The following KCNIP4 variants were observed in gnomAD, a reference collection of about 807,000 sequenced individuals.
The protein encoded by KCNIP4 is potassium voltage-gated channel interacting protein 4.
KCNIP4 carries 12 observed loss-of-function variants against 34.0 expected under a neutral mutation model. The ratio of observed to expected loss-of-function variants is 0.35; its 90% CI spans 0.23 to 0.57. KCNIP4 has a LOEUF of 0.57. Among genes scored for constraint, KCNIP4 ranks in the 20% least tolerant of loss-of-function variants. The pLI, the probability that KCNIP4 is intolerant of heterozygous loss-of-function variation, is 0.83. For missense variants in KCNIP4, 238 were observed against 311.7 expected, an observed-to-expected ratio of 0.76 and a Z score of 1.78; for synonymous variants, 124 against 102.2, an observed-to-expected ratio of 1.21 and a Z score of -1.29.
At chr4:20,751,226 A>G (rs928315736) in intron 4 of KCNIP4, among the ~76,000 whole-genome samples, 2 of 152,240 alleles carry the variant, frequency 1.3e-5, no homozygotes, top group African/African-American at 2.4e-5. Context: ...CACCGTTTTC[A>G]GTGAACTAAC....
At chr4:21,067,561 C>T (rs1388942074) in intron 1 of KCNIP4, among the ~76,000 whole-genome samples, 1 of 152,140 alleles carries the variant, frequency 6.6e-6, no homozygotes, top group Admixed American at 6.5e-5. Context: ...AGAAAGAACT[C>T]ATCACACTAA....
chr4:21,120,422 T>G (rs1295914139), intron 1 of KCNIP4, among the ~76,000 whole-genome samples: 1 of 152,190 alleles, frequency 6.6e-6, no homozygotes, highest in African/African-American at 2.4e-5. Context: ...GTGTCTGTAT[T>G]AGTCTGTTCT....
chr4:21,938,078 C>T (rs1443477559), intron 1 of KCNIP4, among the ~76,000 whole-genome samples: 6 of 152,124 alleles, frequency 3.9e-5, no homozygotes, highest in Admixed American at 3.9e-4. Flanking sequence ...GATTGTAGTA[C>T]CATGTTCTCT....
rs115942281 is a variant in KCNIP4, at chr4:21,629,319, T to C, written c.61+319252A>G. Among the ~76,000 whole-genome samples the C allele has an allele frequency of 2.3e-3, 358 of 152,344 alleles. 2 individuals carry two copies. Among genetic ancestry groups the C allele is most frequent in the African/African-American group, 8.2e-3 (343 of 41,582 alleles). The stretch of plus-strand genomic sequence containing the variant: ...GATCAGCTTCATCAGATGTAACTGA[T>C]TGTATTGCATCACTGAAGCTAATGT... On this transcript the variant is annotated intron_variant, in intron 1 of 8. Transcript: ENST00000382152.
chr4:21,504,475 A>AAAAAAAAAAAAAAAAGAAAGAAAGAAAG (rs1264431211), intron 1 of KCNIP4, among the ~76,000 whole-genome samples: 1 of 101,850 alleles, frequency 9.8e-6, no homozygotes. Context: ...CAAAAAAAAA[A>AAAAAAAAAAAAAAAAGAAAGAAAGAAAG]AAAGAAAGAA....
At chr4:21,902,144 A>G (rs891703850) in intron 1 of KCNIP4, among the ~76,000 whole-genome samples, 12 of 152,226 alleles carry the variant, frequency 7.9e-5, no homozygotes, top group Non-Finnish European at 1.8e-4. Context: ...AATTTCTGCC[A>G]AGAGGGAAGG....
intron 1 of KCNIP4, among the ~76,000 whole-genome samples, chr4:21,217,530 C>A (rs142975089): frequency 4.6e-5 from 7 of 152,058 alleles, no homozygotes; most frequent in Non-Finnish European, 8.8e-5. Context: ...TTATAAAGTG[C>A]GCATTTAAAA....
intron 1 of KCNIP4, among the ~76,000 whole-genome samples, chr4:21,414,433 C>A (rs912621682): frequency 3.3e-5 from 5 of 152,112 alleles, no homozygotes; most frequent in African/African-American, 1.2e-4. Flanking sequence ...AAACAAAAGA[C>A]AAGTGTTGAC....
chr4:20,953,925 T>C (rs1394894667), intron 1 of KCNIP4, among the ~76,000 whole-genome samples: 1 of 152,204 alleles, frequency 6.6e-6, no homozygotes, highest in African/African-American at 2.4e-5. Context: ...GAGTGGGCCA[T>C]GCAGGTTAGC....
At chr4:21,268,343 T>C (rs4697215) in intron 1 of KCNIP4, among the ~76,000 whole-genome samples, 46,925 of 152,038 alleles carry the variant, frequency 0.31, 7,355 homozygotes, top group South Asian at 0.41. Context: ...GATCTTTTAA[T>C]GGAACCAACT....
intron 1 of KCNIP4, among the ~76,000 whole-genome samples, chr4:21,040,037 G>T (rs1254819204): frequency 6.6e-6 from 1 of 152,094 alleles, no homozygotes; most frequent in African/African-American, 2.4e-5. Flanking sequence ...TGTGAAGGAG[G>T]AACTGTCAGA....
intron 1 of KCNIP4, among the ~76,000 whole-genome samples, chr4:21,493,576 G>A (rs1194414892): frequency 6.6e-6 from 1 of 152,180 alleles, no homozygotes; most frequent in African/African-American, 2.4e-5. Flanking sequence ...CTAATACACT[G>A]GATTAGCCTT....
At chr4:21,063,589 A>G (rs2108977990) in intron 1 of KCNIP4, among the ~76,000 whole-genome samples, 1 of 152,328 alleles carries the variant, frequency 6.6e-6, no homozygotes, top group East Asian at 1.9e-4. Flanking sequence ...TCTTGGGGAT[A>G]TGTCAAACAA....
At chr4:21,074,796 C>T (rs1418079882) in intron 1 of KCNIP4, among the ~76,000 whole-genome samples, 2 of 152,178 alleles carry the variant, frequency 1.3e-5, no homozygotes, top group East Asian at 1.9e-4. Context: ...TTTCCCTCTA[C>T]ACACTGCTTT....
intron 1 of KCNIP4, among the ~76,000 whole-genome samples, chr4:21,757,455 G>A (rs1405499142): frequency 1.3e-5 from 2 of 152,060 alleles, no homozygotes; most frequent in Non-Finnish European, 2.9e-5. Context: ...TCCCAAGAGA[G>A]CACTTAGCAA....
chr4:21,349,110 T>G (rs1717752245), intron 1 of KCNIP4, among the ~76,000 whole-genome samples: 1 of 152,170 alleles, frequency 6.6e-6, no homozygotes, highest in African/African-American at 2.4e-5. Flanking sequence ...CACCATTTAG[T>G]AATTTATAAA....
At chr4:20,981,341 C>A (rs1029380715) in intron 1 of KCNIP4, among the ~76,000 whole-genome samples, 6 of 152,088 alleles carry the variant, frequency 3.9e-5, no homozygotes, top group African/African-American at 9.7e-5. Context: ...GAGGTCAGAG[C>A]CTTGTAGAAA....
At chr4:21,174,030 G>A (rs4696972) in intron 1 of KCNIP4, among the ~76,000 whole-genome samples, 66,269 of 151,910 alleles carry the variant, frequency 0.44, 14,669 homozygotes, top group Non-Finnish European at 0.48. Context: ...GGACACTGAT[G>A]TTTTTAAGTG....
At chr4:21,407,052 A>G (rs144453138) in intron 1 of KCNIP4, among the ~76,000 whole-genome samples, 1 of 152,336 alleles carries the variant, frequency 6.6e-6, no homozygotes, top group East Asian at 1.9e-4. Context: ...TCAAAGTTCA[A>G]CATAGACCTT....
Sources: gnomAD v4.1 joint callset for allele counts (sites outside exome capture counted in the v4.1 genomes callset) on GRCh38, gnomAD v4.1.1 for gene constraint, MANE v1.5 for transcripts, NCBI Gene and HGNC (gene_info 2026-07-23, HGNC 2026-07-21) for gene names.